TTC17: variants seen among roughly 807,000 people sequenced by gnomAD.
TTC17 encodes the protein tetratricopeptide repeat protein 17.
In TTC17, 58 loss-of-function variants were observed where a neutral mutation model predicts 143.8. That is an observed-to-expected ratio of 0.40 (90% CI 0.33 to 0.50). The LOEUF (loss-of-function observed/expected upper bound fraction) is 0.50. TTC17 is among the 20% of genes least tolerant of loss of function. The pLI is 0.49. For missense variants in TTC17, 1,273 were observed against 1,392.5 expected (o/e 0.91, Z 1.37); for synonymous variants, 501 against 497.8 (o/e 1.01, Z -0.09).
intron 21 of TTC17, among the ~76,000 whole-genome samples, chr11:43,454,037 T>G (rs989802442): frequency 9.9e-5 from 15 of 152,254 alleles, no homozygotes; most frequent in African/African-American, 3.6e-4. Flanking sequence ...CACATTGTCA[T>G]AAAGTTGAAA....
Position 43,401,501 on chromosome 11 carries a change from G to A in TTC17, c.1275G>A (p.Trp425Ter), listed in dbSNP as rs1343490760. Residue 425 changes from tryptophan to a stop codon, truncating the protein, a stop_gained, in exon 10 of 24, where the codon TGG (tryptophan) becomes TGA (stop). Coordinates refer to ENST00000039989, the MANE Select transcript of TTC17 (RefSeq NM_018259.6). LOFTEE classifies it high-confidence loss of function. ...AGCAGCATAGTTTACATTGCCAGTG[G>A]GACCAGCCTGTACGCTATCATCGTG... ...VNQQHSLHCQWDQPVRYHRGD... is the reference protein window; with the variant it reads ...VNQQHSLHCQ 1 of 1,613,654 alleles carries A rather than the reference G, an allele frequency of 6.2e-7. No homozygotes were observed. The highest frequency in any genetic ancestry group is 8.5e-7 in the Non-Finnish European group (1 of 1,179,876).
intron 16 of TTC17, among the ~76,000 whole-genome samples, chr11:43,423,500 G>A (rs1669084662): frequency 1.3e-5 from 2 of 152,114 alleles, no homozygotes; most frequent in African/African-American, 2.4e-5. Flanking sequence ...TGGAAGAGCA[G>A]GGTCATGAAG....
intron 21 of TTC17, among the ~76,000 whole-genome samples, chr11:43,485,903 T>G (rs1948371922): frequency 8.0e-6 from 1 of 124,960 alleles, no homozygotes; most frequent in Admixed American, 8.3e-5. Context: ...TTTTTTTTTT[T>G]GAACATATGC....
At position 43,435,077 on chromosome 11, in the gene TTC17, TGATAGATAGATAGATAGATAGATA is replaced by T. The variant is rs35185017; in HGVS notation, c.2252-8216_2252-8193del. 6.9e-5 allele frequency: 10 copies of T among 144,508 alleles called. No individual in the cohort carries two copies. The South Asian group carries it at 9.3e-4, about 13-fold the overall frequency. 9.0% of individuals were successfully genotyped at this position (144,508 alleles called of 1,614,324 possible). A position where few individuals can be genotyped will look rare whatever the true frequency, so the allele number is the denominator to read the frequency against. ...GGTGAATCTGTACACACAGATAAGA[TGATAGATAGATAGATAGATAGATA>T]GATAGATAGATAGATAGATAGATAG... On this transcript the variant is annotated intron_variant, in intron 16 of 23. Transcript: ENST00000039989.
At chr11:43,444,703 A>G (rs1251332215) in intron 18 of TTC17, among the ~76,000 whole-genome samples, 1 of 148,168 alleles carries the variant, frequency 6.7e-6, no homozygotes. Flanking sequence ...CAGCGTACAT[A>G]GGCAGTTCAC....
At chr11:43,401,161 A>T (rs1857836716) in intron 9 of TTC17, among the ~76,000 whole-genome samples, 2 of 152,220 alleles carry the variant, frequency 1.3e-5, no homozygotes, top group South Asian at 4.1e-4. Context: ...TCTTAAAACG[A>T]TGTAATCACT....
At chr11:43,383,823 T>C (rs1254681222) in intron 2 of TTC17, among the ~76,000 whole-genome samples, 1 of 152,038 alleles carries the variant, frequency 6.6e-6, no homozygotes, top group East Asian at 1.9e-4. Context: ...TACTGAAATA[T>C]TTACTGACGA....
At position 43,446,697 on chromosome 11, in the gene TTC17, A is replaced by T. The variant is rs1947549802; in HGVS notation, c.2666-1305A>T. The T allele has an allele frequency of 7.1e-6, 7 of 984,326 alleles. No individual in the cohort carries two copies. The African/African-American group carries it at 1.0e-4, about 15-fold the overall frequency. The allele number at this position is 984,326 out of a possible 1,614,324, so 61.0% of individuals were successfully genotyped here. On this transcript the variant is annotated intron_variant, in intron 18 of 23. Coordinates refer to ENST00000039989, the MANE Select transcript of TTC17 (RefSeq NM_018259.6). Reference sequence around the variant, plus strand: ...TTTTCTACTGTTCGTAAATTCCTATAATATAAAAAGCGCTATACAGAACTA... The same window carrying T: ...TTTTCTACTGTTCGTAAATTCCTATTATATAAAAAGCGCTATACAGAACTA...
intron 1 of TTC17, among the ~76,000 whole-genome samples, chr11:43,378,693 A>G (rs1165104999): frequency 1.3e-5 from 2 of 152,204 alleles, no homozygotes; most frequent in African/African-American, 2.4e-5. Context: ...ATGAGTGTTC[A>G]TTTTTTCTAC....
At chr11:43,486,063 G>A (rs1031345957) in intron 21 of TTC17, among the ~76,000 whole-genome samples, 1 of 151,832 alleles carries the variant, frequency 6.6e-6, no homozygotes, top group Non-Finnish European at 1.5e-5. Context: ...TGTGCAGCAA[G>A]GAAACTGAAT....
At chr11:43,373,987 T>TC (rs1271352878) in intron 1 of TTC17, among the ~76,000 whole-genome samples, 1 of 152,158 alleles carries the variant, frequency 6.6e-6, no homozygotes, top group Non-Finnish European at 1.5e-5. Context: ...ACGTTTTTTT[T>TC]CCAAATAGTC....
chr11:43,407,158 T>A lies in TTC17; in HGVS notation c.1782T>A (p.Asn594Lys). ...HARKILLSRINNYTIPEEEIG... is the reference protein window; with the variant it reads ...HARKILLSRIKNYTIPEEEIG... ...TTCAGATTTTGCTTTCCCGTATTAA[T>A]AACTATACTATCCCAGAAGAAGAAA... is the stretch of plus-strand genomic sequence containing the variant. Residue 594 changes from asparagine to lysine, a missense_variant, in exon 14 of 24, where the codon AAT becomes AAA. By Grantham distance (94) the Asn-to-Lys change is moderately conservative. Around this residue, in one of 3 missense-constraint regions of TTC17, gnomAD observed 878 missense variants for 899.8 expected, o/e 0.98. Transcript: ENST00000039989. 1 of 1,592,734 alleles carries A rather than the reference T, an allele frequency of 6.3e-7. No homozygotes were observed. The highest frequency in any genetic ancestry group is 8.5e-7 in the Non-Finnish European group (1 of 1,173,200).
chr11:43,405,094 C>CTTT (rs528720022), intron 11 of TTC17, among the ~76,000 whole-genome samples: 1 of 132,494 alleles, frequency 7.5e-6, no homozygotes, highest in African/African-American at 2.7e-5. Flanking sequence ...TCTTCTTTTT[C>CTTT]TTTTTTTTTT....
chr11:43,391,313 C>T (rs1161122729), intron 3 of TTC17, 152 bp from the exon 4 acceptor site: 21 of 553,126 alleles, frequency 3.8e-5, no homozygotes, highest in Non-Finnish European at 6.0e-5. Flanking sequence ...GTGAGAGGAT[C>T]GCTTGAGACT....
At chr11:43,371,130 C>A (rs573563740) in intron 1 of TTC17, among the ~76,000 whole-genome samples, 21 of 151,926 alleles carry the variant, frequency 1.4e-4, no homozygotes, top group Non-Finnish European at 2.8e-4. Context: ...TTTATAAGTA[C>A]ATTGTGAATG....
intron 17 of TTC17, 147 bp from the exon 18 acceptor site, chr11:43,443,909 A>AT: frequency 1.0e-6 from 1 of 990,532 alleles, no homozygotes. Flanking sequence ...TTCACTAACC[A>AT]TTTTTTATTT....
At chr11:43,379,372 A>T in intron 2 of TTC17, 50 bp downstream of exon 2, 3 of 1,512,458 alleles carry the variant, frequency 2.0e-6, no homozygotes, top group Non-Finnish European at 2.7e-6. Context: ...TGCATTTCAC[A>T]GGAGCCATTG....
chr11:43,401,497 A>G lies in TTC17; in HGVS notation c.1271A>G (p.Gln424Arg), dbSNP rs905758482. 1.9e-6 allele frequency: 3 copies of G among 1,613,756 alleles called. No individual in the cohort carries two copies. The African/African-American group carries it at 4.0e-5, about 22-fold the overall frequency. The change falls in exon 10 of 24, where the codon CAG becomes CGG. Residue 424 changes from glutamine (Q) to arginine (R), a missense_variant. Physicochemically the swap from Gln to Arg is conservative, Grantham distance 43. This residue lies in a region of TTC17 where 878 missense variants were observed against 899.8 expected (regional missense o/e 0.98). Coordinates refer to ENST00000039989, the MANE Select transcript of TTC17 (RefSeq NM_018259.6). ...LVNQQHSLHC[Q>R]WDQPVRYHRG... The stretch of plus-strand genomic sequence containing the variant: ...AACCAGCAGCATAGTTTACATTGCC[A>G]GTGGGACCAGCCTGTACGCTATCAT...
chr11:43,402,313 G>A (rs1009833154), intron 10 of TTC17, among the ~76,000 whole-genome samples: 7 of 152,098 alleles, frequency 4.6e-5, no homozygotes, highest in African/African-American at 1.7e-4. Flanking sequence ...GAAGTAATCA[G>A]TCCAATTATA....
Sources: gnomAD v4.1 joint callset for allele counts (sites outside exome capture counted in the v4.1 genomes callset) on GRCh38, gnomAD v4.1.1 for gene constraint, gnomAD v4.1.1 regional missense constraint, MANE v1.5 for transcripts, NCBI Gene and HGNC (gene_info 2026-07-23, HGNC 2026-07-21) for gene names.